The following RFX7 variants were observed in gnomAD, a reference collection of about 807,000 sequenced individuals.
The protein encoded by RFX7 is DNA-binding protein RFX7.
Under a neutral mutation model 111.8 loss-of-function variants are expected in RFX7, and 26 were observed. The ratio of observed to expected loss-of-function variants is 0.23; its 90% CI spans 0.17 to 0.32. The LOEUF is 0.32. Among genes scored for constraint, RFX7 ranks in the 10% least tolerant of loss-of-function variants. The pLI, the probability that RFX7 is intolerant of heterozygous loss-of-function variation, is 1.00. For missense variants in RFX7, 1,573 were observed against 1,772.9 expected, an observed-to-expected ratio of 0.89 and a Z score of 2.02; for synonymous variants, 624 against 624.4, an observed-to-expected ratio of 1.00 and a Z score of 0.01.
intron 2 of RFX7, among the ~76,000 whole-genome samples, chr15:56,207,581 T>C (rs1380658258): frequency 6.6e-6 from 1 of 151,958 alleles, no homozygotes; most frequent in Non-Finnish European, 1.5e-5. Flanking sequence ...AAAAAAGCAA[T>C]AAACTCTTTC....
upstream of RFX7, among the ~76,000 whole-genome samples, chr15:56,244,874 C>G (rs1428679269): frequency 6.6e-6 from 1 of 151,274 alleles, no homozygotes; most frequent in Non-Finnish European, 1.5e-5. Context: ...AAGTCAGTCT[C>G]CTTTAAGAGC....
chr15:56,211,275 C>T (rs1334543200), intron 2 of RFX7, among the ~76,000 whole-genome samples: 1 of 152,028 alleles, frequency 6.6e-6, no homozygotes, highest in Non-Finnish European at 1.5e-5. Context: ...ATCTTTGACA[C>T]AGGAGCAAAG....
At chr15:56,183,432 G>C (rs967155070) in intron 2 of RFX7, among the ~76,000 whole-genome samples, 2 of 151,848 alleles carry the variant, frequency 1.3e-5, no homozygotes, top group Admixed American at 1.3e-4. Context: ...TCTTTAATCG[G>C]AATTTATTCT....
chr15:56,194,370 G>A (rs2043127933), intron 2 of RFX7, among the ~76,000 whole-genome samples: 1 of 151,792 alleles, frequency 6.6e-6, no homozygotes, highest in African/African-American at 2.4e-5. Context: ...AAATAGAGGA[G>A]GTATACTATA....
At position 56,087,842 on chromosome 15, in the gene RFX7, A is replaced by C. The variant is rs2041547045; in HGVS notation, c.*5503T>G. 3.4e-6 allele frequency: 1 copy of C among 293,200 alleles called. No homozygotes were observed. Among genetic ancestry groups the C allele is most frequent in the Non-Finnish European group, 6.7e-6 (1 of 148,460 alleles). 18.2% of individuals were successfully genotyped at this position (293,200 alleles called of 1,614,324 possible). A position where few individuals can be genotyped will look rare whatever the true frequency, so the allele number is the denominator to read the frequency against. On this transcript the variant is annotated 3_prime_UTR_variant, in exon 10 of 10. Coordinates refer to ENST00000559447, the MANE Select transcript of RFX7 (RefSeq NM_022841.7). ...TTAGGCACTTTATCATCTGTTAAAA[A>C]AAAAGTCCCATTTTTATTTTGATGA... is the stretch of plus-strand genomic sequence containing the variant.
chr15:56,134,553 C>T (rs1469134207), intron 5 of RFX7, among the ~76,000 whole-genome samples: 2 of 151,336 alleles, frequency 1.3e-5, no homozygotes, highest in African/African-American at 4.9e-5. Flanking sequence ...CTCTCCCTTA[C>T]CTACTACTGC....
At chr15:56,150,684 C>G (rs2141046377) in intron 3 of RFX7, among the ~76,000 whole-genome samples, 1 of 152,308 alleles carries the variant, frequency 6.6e-6, no homozygotes, top group South Asian at 2.1e-4. Context: ...AACCCCTCGC[C>G]AGCAAGGGAA....
chr15:56,139,485 C>T (rs1289188612), intron 5 of RFX7, among the ~76,000 whole-genome samples: 1 of 152,166 alleles, frequency 6.6e-6, no homozygotes, highest in Non-Finnish European at 1.5e-5. Flanking sequence ...TTAAGCACTT[C>T]TCTGTATTGG....
In RFX7 at chr15:56,128,848, G is replaced by A. The variant is rs575730386; in HGVS notation, c.401+13930C>T. Among the ~76,000 whole-genome samples the A allele has an allele frequency of 5.3e-5, 8 of 151,836 alleles. No individual in the cohort carries two copies. In the South Asian group the frequency reaches 1.0e-3, roughly 20 times the overall value. ...CCCTATAATTAGAGCTAATAAAGGTGAGCAAAATTGCAGGATACGAGATCA... is the reference window on the plus strand; with the variant it reads ...CCCTATAATTAGAGCTAATAAAGGTAAGCAAAATTGCAGGATACGAGATCA... On this transcript the variant is annotated intron_variant, in intron 5 of 9. Transcript: ENST00000559447.
At chr15:56,186,195 C>T (rs900101586) in intron 2 of RFX7, among the ~76,000 whole-genome samples, 2 of 152,174 alleles carry the variant, frequency 1.3e-5, no homozygotes, top group Admixed American at 1.3e-4. Context: ...TGTGGGTTCC[C>T]TGTTTTAGTC....
At chr15:56,173,222 A>G (rs1229189499) in intron 3 of RFX7, among the ~76,000 whole-genome samples, 1 of 149,246 alleles carries the variant, frequency 6.7e-6, no homozygotes, top group Non-Finnish European at 1.5e-5. Flanking sequence ...TAAACTGTAT[A>G]TATGTAGATA....
rs2042615895 is a variant in RFX7, at chr15:56,154,060, AG to A, written c.196-9578del. Among the ~76,000 whole-genome samples the A allele has an allele frequency of 5.3e-5, 8 of 152,318 alleles. No individual in the cohort carries two copies. The South Asian group carries it at 1.5e-3, about 28-fold the overall frequency. ...TCACTACTAAGAGAATAAAATACCT[AG>A]GAATACAACTTACAAGGGACGTGAA... On this transcript the variant is annotated intron_variant, in intron 3 of 9. Transcript: ENST00000559447.
intron 5 of RFX7, among the ~76,000 whole-genome samples, chr15:56,109,904 G>C (rs1444260690): frequency 6.6e-6 from 1 of 151,746 alleles, no homozygotes; most frequent in Non-Finnish European, 1.5e-5. Flanking sequence ...CACCCCGTCC[G>C]GGAGGGAGAT....
intron 2 of RFX7, among the ~76,000 whole-genome samples, chr15:56,224,419 A>AT (rs2043458811): frequency 6.6e-6 from 1 of 150,754 alleles, no homozygotes; most frequent in South Asian, 2.1e-4. Flanking sequence ...AAAAAGCAAC[A>AT]TTTTTTGGTG....
intron 3 of RFX7, among the ~76,000 whole-genome samples, chr15:56,174,782 T>TA (rs1328284761): frequency 5.1e-4 from 76 of 149,258 alleles, no homozygotes; most frequent in East Asian, 2.3e-3. Flanking sequence ...ACTATGATTT[T>TA]AAAAAAAAAA....
chr15:56,199,938 G>C (rs2043177905), intron 2 of RFX7, among the ~76,000 whole-genome samples: 1 of 152,072 alleles, frequency 6.6e-6, no homozygotes, highest in Admixed American at 6.5e-5. Context: ...CTTGTACAAG[G>C]TCACACACTG....
intron 5 of RFX7, among the ~76,000 whole-genome samples, chr15:56,106,544 G>T (rs2041832110): frequency 1.3e-5 from 2 of 152,170 alleles, no homozygotes; most frequent in South Asian, 4.1e-4. Flanking sequence ...ATCAGAAGTT[G>T]TATAGTTCAA....
chr15:56,136,342 A>G (rs1176626510), intron 5 of RFX7, among the ~76,000 whole-genome samples: 1 of 141,748 alleles, frequency 7.1e-6, no homozygotes, highest in African/African-American at 2.7e-5. Flanking sequence ...ATCCCTTGTA[A>G]GTTGGATTCC....
chr15:56,098,359 G>GTT lies in RFX7; in HGVS notation c.828_829insAA (p.Gln277AsnfsTer19), dbSNP rs1338927801. ...GCTGTAGGTATAAAAGCAGAAGGCT[G>GTT]GGTAATTCCTTTCATTCCTGAAAAT... On this transcript the variant is annotated frameshift_variant, in exon 9 of 10. Transcript: ENST00000559447. LOFTEE classifies it high-confidence loss of function. 1 of 1,598,986 alleles carries GTT rather than the reference G, an allele frequency of 6.3e-7. No individual in the cohort carries two copies.
Sources: gnomAD v4.1 joint callset for allele counts (sites outside exome capture counted in the v4.1 genomes callset) on GRCh38, gnomAD v4.1.1 for gene constraint, MANE v1.5 for transcripts, NCBI Gene and HGNC (gene_info 2026-07-23, HGNC 2026-07-21) for gene names.